Variants in SORCS3 observed in about 807,000 individuals in gnomAD.
The protein encoded by SORCS3 is sortilin related VPS10 domain containing receptor 3.
SORCS3 carries 57 observed loss-of-function variants against 146.3 expected under a neutral mutation model. The observed-to-expected ratio is 0.39, with a 90% CI of 0.31 to 0.49. The LOEUF (loss-of-function observed/expected upper bound fraction) is 0.49. Among genes scored for constraint, SORCS3 ranks in the 20% least tolerant of loss-of-function variants. The pLI, the probability that SORCS3 is intolerant of heterozygous loss-of-function variation, is 0.92. For synonymous variants in SORCS3, 653 were observed against 618.5 expected (o/e 1.06, Z -0.83); for missense variants, 1,341 against 1,575.5 (o/e 0.85, Z 2.52).
At chr10:104,899,758 A>T (rs928590161) in intron 2 of SORCS3, among the ~76,000 whole-genome samples, 1 of 152,214 alleles carries the variant, frequency 6.6e-6, no homozygotes, top group African/African-American at 2.4e-5. Context: ...ACATCTTGCC[A>T]TCATCCTAAT....
chr10:105,168,757 G>A (rs1418136645), intron 13 of SORCS3, among the ~76,000 whole-genome samples: 2 of 151,996 alleles, frequency 1.3e-5, no homozygotes, highest in African/African-American at 2.4e-5. Flanking sequence ...GCCATTTTTA[G>A]GTCAAAAATG....
chr10:105,085,453 A>G (rs2055654086), intron 5 of SORCS3, among the ~76,000 whole-genome samples: 1 of 152,290 alleles, frequency 6.6e-6, no homozygotes, highest in African/African-American at 2.4e-5. Context: ...TTTGAAGTAC[A>G]AATCTCTTAC....
At chr10:105,221,449 T>C (rs1051457036) in intron 19 of SORCS3, among the ~76,000 whole-genome samples, 2 of 152,212 alleles carry the variant, frequency 1.3e-5, no homozygotes, top group Non-Finnish European at 2.9e-5. Context: ...TGTATGGTAC[T>C]TTAAACAACC....
intron 5 of SORCS3, among the ~76,000 whole-genome samples, chr10:105,088,700 C>T (rs2055680675): frequency 1.3e-5 from 2 of 152,140 alleles, no homozygotes; most frequent in Non-Finnish European, 2.9e-5. Context: ...AGTAATGCCC[C>T]CAGGGCTGTT....
At chr10:105,172,085 A>T (rs2056365055) in intron 13 of SORCS3, among the ~76,000 whole-genome samples, 1 of 152,170 alleles carries the variant, frequency 6.6e-6, no homozygotes, top group African/African-American at 2.4e-5. Flanking sequence ...TCTACTTGTA[A>T]TCTCTGTGCA....
At chr10:104,832,135 A>G (rs866219249) in intron 1 of SORCS3, among the ~76,000 whole-genome samples, 1 of 152,170 alleles carries the variant, frequency 6.6e-6, no homozygotes, top group Non-Finnish European at 1.5e-5. Context: ...GTCATTTCTG[A>G]AGAATCTTAG....
chr10:104,933,344 A>C (rs1249734017), intron 3 of SORCS3, among the ~76,000 whole-genome samples: 1 of 151,576 alleles, frequency 6.6e-6, no homozygotes, highest in Non-Finnish European at 1.5e-5. Context: ...AGATGGTTAC[A>C]GAGGTTCTGG....
rs796889114 is a variant in SORCS3, at chr10:104,794,614, A to AGAGG, written c.628-48170_628-48167dup. 1.5e-3 allele frequency among the ~76,000 whole-genome samples: 132 copies of AGAGG among 88,554 alleles called. 2 individuals carry two copies. The highest frequency in any genetic ancestry group is 2.3e-3 in the Admixed American group (20 of 8,552). The allele number at this position is 88,554 out of a possible 152,430, so 58.1% of individuals were successfully genotyped here. A position where few individuals can be genotyped will look rare whatever the true frequency, so the allele number is the denominator to read the frequency against. ...GTGTGTGTGTGTGTGTGAGAGAGAG[A>AGAGG]GAGGGAGGGAGAGAGAGAGAGAGAG... is the stretch of plus-strand genomic sequence containing the variant. On this transcript the variant is annotated intron_variant, in intron 1 of 26. Coordinates refer to ENST00000369701, the MANE Select transcript of SORCS3 (RefSeq NM_014978.3).
intron 19 of SORCS3, among the ~76,000 whole-genome samples, chr10:105,218,111 G>A (rs188731794): frequency 5.9e-5 from 9 of 152,314 alleles, no homozygotes; most frequent in African/African-American, 2.2e-4. Flanking sequence ...CAAACAGTAA[G>A]CTAGCTAGTC....
chr10:104,958,659 A>G (rs1369458231), intron 3 of SORCS3, among the ~76,000 whole-genome samples: 1 of 152,216 alleles, frequency 6.6e-6, no homozygotes, highest in East Asian at 1.9e-4. Context: ...AAAGGCAAAG[A>G]AAACAGATCC....
At chr10:105,100,603 A>C (rs2133749626) in intron 6 of SORCS3, among the ~76,000 whole-genome samples, 1 of 152,296 alleles carries the variant, frequency 6.6e-6, no homozygotes, top group East Asian at 1.9e-4. Context: ...GTTCTCCTTG[A>C]TTTGTCCAGC....
chr10:104,802,609 T>C (rs2017636535), intron 1 of SORCS3, among the ~76,000 whole-genome samples: 1 of 152,188 alleles, frequency 6.6e-6, no homozygotes, highest in Non-Finnish European at 1.5e-5. Flanking sequence ...TTCACCACTG[T>C]GTGGTTCAAG....
intron 1 of SORCS3, among the ~76,000 whole-genome samples, chr10:104,816,495 C>G (rs750875969): frequency 7.9e-5 from 12 of 152,176 alleles, no homozygotes; most frequent in Non-Finnish European, 1.6e-4. Context: ...TGTGCCTTAT[C>G]ACTTTGCTAA....
chr10:104,867,629 A>G (rs1375142007), intron 2 of SORCS3, among the ~76,000 whole-genome samples: 1 of 152,090 alleles, frequency 6.6e-6, no homozygotes, highest in Non-Finnish European at 1.5e-5. Flanking sequence ...TATTTAAGGA[A>G]GCATTCACTC....
chr10:105,094,138 T>C (rs1156873772), intron 6 of SORCS3, among the ~76,000 whole-genome samples: 1 of 152,194 alleles, frequency 6.6e-6, no homozygotes, highest in Non-Finnish European at 1.5e-5. Context: ...TATTATTCCA[T>C]TTATGTGATC....
intron 1 of SORCS3, among the ~76,000 whole-genome samples, chr10:104,722,586 T>C (rs2133446167): frequency 6.6e-6 from 1 of 152,300 alleles, no homozygotes; most frequent in Non-Finnish European, 1.5e-5. Flanking sequence ...TGGTAGAATT[T>C]GGCTGTGAAT....
chr10:104,991,693 G>T lies in SORCS3; in HGVS notation c.954+14200G>T, dbSNP rs1323036256. Among the ~76,000 whole-genome samples the T allele has an allele frequency of 3.3e-5, 5 of 152,000 alleles. No homozygotes were observed. The East Asian group carries it at 5.8e-4, about 18-fold the overall frequency. ...ATTTTGTATTTTTAGTAGAGACAAGGTTTCGCTATATTGGCCAGGCTGGTC... is the reference window on the plus strand; with the variant it reads ...ATTTTGTATTTTTAGTAGAGACAAGTTTTCGCTATATTGGCCAGGCTGGTC... On this transcript the variant is annotated intron_variant, in intron 4 of 26. Transcript: ENST00000369701.
chr10:104,662,827 G>A (rs538116146), intron 1 of SORCS3, among the ~76,000 whole-genome samples: 131 of 152,298 alleles, frequency 8.6e-4, no homozygotes, highest in African/African-American at 2.9e-3. Flanking sequence ...GCATTGCATA[G>A]CCCACTGGCA....
Position 104,748,576 on chromosome 10 carries a change from GGTGCA to G in SORCS3, c.628-94212_628-94208del, listed in dbSNP as rs1475248694. On this transcript the variant is annotated intron_variant, in intron 1 of 26. Transcript: ENST00000369701. Reference sequence around the variant, plus strand: ...GATAGGATTCTCTAGACTCCTGCTGGGTGCAGTGGCTCACACCTGTAATCCCAGCA... The same window carrying G: ...GATAGGATTCTCTAGACTCCTGCTGGGTGGCTCACACCTGTAATCCCAGCA... Among the ~76,000 whole-genome samples the G allele has an allele frequency of 2.0e-5, 3 of 152,150 alleles. No homozygotes were observed. The East Asian group carries it at 5.8e-4, about 29-fold the overall frequency.
Sources: gnomAD v4.1 joint callset for allele counts (sites outside exome capture counted in the v4.1 genomes callset) on GRCh38, gnomAD v4.1.1 for gene constraint, MANE v1.5 for transcripts, NCBI Gene and HGNC (gene_info 2026-07-23, HGNC 2026-07-21) for gene names.